MEIS1: variants seen among roughly 807,000 people sequenced by gnomAD.
MEIS1 encodes the protein homeobox protein Meis1.
Under a neutral mutation model 50.8 loss-of-function variants are expected in MEIS1, and 5 were observed. That is an observed-to-expected ratio of 0.10 (90% CI 0.05 to 0.21). MEIS1 has a LOEUF of 0.21. Ranked by LOEUF, MEIS1 falls within the 10% of genes least tolerant of loss-of-function variation. MEIS1 has a pLI of 1.00. For missense variants in MEIS1, 318 were observed against 517.3 expected (o/e 0.61, Z 3.74); for synonymous variants, 176 against 179.3 (o/e 0.98, Z 0.15).
At chr2:66,484,360 A>G (rs1673086449) in intron 7 of MEIS1, among the ~76,000 whole-genome samples, 1 of 152,152 alleles carries the variant, frequency 6.6e-6, no homozygotes, top group Non-Finnish European at 1.5e-5. Context: ...GAGAGCACAG[A>G]GAGCCCATTT....
chr2:66,454,800 C>G (rs980097939), intron 6 of MEIS1: 1 of 152,038 alleles, frequency 6.6e-6, no homozygotes, highest in Non-Finnish European at 1.5e-5. Flanking sequence ...ATCAGGTATA[C>G]TGGCATGTAA....
At chr2:66,495,694 G>A (rs986860430) in intron 7 of MEIS1, among the ~76,000 whole-genome samples, 1 of 152,198 alleles carries the variant, frequency 6.6e-6, no homozygotes, top group Non-Finnish European at 1.5e-5. Flanking sequence ...AGGCTTTGAA[G>A]ATGTGCTAGA....
intron 12 of MEIS1, chr2:66,569,614 G>A (rs1572912595): frequency 6.5e-6 from 1 of 152,708 alleles, no homozygotes; most frequent in South Asian, 2.1e-4. Context: ...CTTTACTTAG[G>A]GTAAGTAAAG....
intron 6 of MEIS1, among the ~76,000 whole-genome samples, chr2:66,462,832 C>CA (rs1430441109): frequency 1.3e-5 from 2 of 152,154 alleles, no homozygotes; most frequent in African/African-American, 4.8e-5. Flanking sequence ...GTCAAACATA[C>CA]AAATGGCATA....
intron 10 of MEIS1, chr2:66,568,263 A>G (rs1675398220): frequency 1.2e-5 from 2 of 172,266 alleles, no homozygotes; most frequent in Admixed American, 5.6e-5. Flanking sequence ...AGATAACAAG[A>G]GTATTTGCTA....
chr2:66,455,406 A>G (rs1672365271), intron 6 of MEIS1, among the ~76,000 whole-genome samples: 2 of 152,204 alleles, frequency 1.3e-5, no homozygotes, highest in South Asian at 4.1e-4. Context: ...TGTCAAAGTT[A>G]AAGAATTGGG....
rs139817451 is a variant in MEIS1 at position 66,565,281 on chromosome 2, ACT to A, written c.966-2157_966-2156del. On this transcript the variant is annotated intron_variant, in intron 9 of 12. Coordinates refer to ENST00000272369, the MANE Select transcript of MEIS1 (RefSeq NM_002398.3). Reference sequence around the variant, plus strand: ...ACAGATAAATCAAGTCACTGTATTCACTCTCTCTCTCTCTCTTTGAATAGCCT... The same window carrying A: ...ACAGATAAATCAAGTCACTGTATTCACTCTCTCTCTCTCTTTGAATAGCCT... Among the ~76,000 whole-genome samples the A allele has an allele frequency of 2.8e-3, 420 of 150,794 alleles. 3 individuals are homozygous for A. The highest frequency in any genetic ancestry group is 0.013 in the South Asian group (63 of 4,748).
rs1673909110 is a variant in MEIS1, at chr2:66,514,316, A to G, written c.888+2022A>G. Among the ~76,000 whole-genome samples the G allele has an allele frequency of 2.6e-5, 4 of 152,296 alleles. No individual in the cohort carries two copies. The South Asian group carries it at 8.3e-4, about 32-fold the overall frequency. On this transcript the variant is annotated intron_variant, in intron 8 of 12. Coordinates refer to ENST00000272369, the MANE Select transcript of MEIS1 (RefSeq NM_002398.3). ...TACCCTTGTGAAGACCCTTGCATAG[A>G]GCTACATTATCTTCTTGAAACAAAC...
At chr2:66,567,654 C>T in intron 10 of MEIS1, 143 bp downstream of exon 10, 2 of 743,934 alleles carry the variant, frequency 2.7e-6, no homozygotes, top group Non-Finnish European at 4.8e-6. Context: ...AGTTTCGTTT[C>T]ATAACAACAC....
At chr2:66,514,468 A>C (rs1486692923) in intron 8 of MEIS1, among the ~76,000 whole-genome samples, 4 of 152,134 alleles carry the variant, frequency 2.6e-5, no homozygotes, top group African/African-American at 7.2e-5. Flanking sequence ...GAACTGCCTG[A>C]TTTCTTGAGA....
chr2:66,505,153 G>A (rs149127489), intron 7 of MEIS1, among the ~76,000 whole-genome samples: 1 of 152,290 alleles, frequency 6.6e-6, no homozygotes, highest in Non-Finnish European at 1.5e-5. Flanking sequence ...CAGGGCCTAA[G>A]ACAGATAATC....
rs144627103 is a variant in MEIS1 at position 66,514,446 on chromosome 2, G to A, written c.888+2152G>A. Among the ~76,000 whole-genome samples the A allele has an allele frequency of 2.9e-3, 435 of 152,240 alleles. 5 individuals are homozygous for A. The East Asian group carries it at 0.034, about 12-fold the overall frequency. ...GTTTGTTACTGGGGCAATTGTAATC[G>A]AAATTATTCATGAACTGCCTGATTT... On this transcript the variant is annotated intron_variant, in intron 8 of 12. Transcript: ENST00000272369.
At chr2:66,483,269 C>T (rs112168646) in intron 7 of MEIS1, among the ~76,000 whole-genome samples, 7,114 of 142,346 alleles carry the variant, frequency 0.05, 583 homozygotes, top group African/African-American at 0.17. Context: ...AACGGGGTCT[C>T]GCTATATTGC....
intron 7 of MEIS1, among the ~76,000 whole-genome samples, chr2:66,500,655 C>T (rs1460774516): frequency 6.6e-6 from 1 of 152,052 alleles, no homozygotes; most frequent in African/African-American, 2.4e-5. Context: ...GAACTCCTGA[C>T]CTCAAGTGAT....
At chr2:66,446,267 C>G (rs1672142963) in intron 6 of MEIS1, among the ~76,000 whole-genome samples, 1 of 152,196 alleles carries the variant, frequency 6.6e-6, no homozygotes, top group Non-Finnish European at 1.5e-5. Flanking sequence ...CGAGGAGAGG[C>G]CTGGCCACCC....
intron 6 of MEIS1, among the ~76,000 whole-genome samples, chr2:66,456,523 G>A (rs531678038): frequency 4.9e-4 from 75 of 152,308 alleles, no homozygotes; most frequent in Non-Finnish European, 4.9e-4. Flanking sequence ...TCTGAAGAGG[G>A]ATGCTGGATT....
chr2:66,521,217 G>C (rs1321496033), intron 8 of MEIS1, among the ~76,000 whole-genome samples: 1 of 152,194 alleles, frequency 6.6e-6, no homozygotes, highest in African/African-American at 2.4e-5. Context: ...TTATTTAACT[G>C]CTCCTCCTTC....
intron 6 of MEIS1, among the ~76,000 whole-genome samples, chr2:66,459,348 C>T (rs1040540835): frequency 6.6e-6 from 1 of 152,076 alleles, no homozygotes; most frequent in African/African-American, 2.4e-5. Context: ...GGAATGGTCC[C>T]TTGGGGAGAT....
In MEIS1 at chr2:66,468,364, T is replaced by C. The variant is rs149397138; in HGVS notation, c.742+4144T>C. Among the ~76,000 whole-genome samples, 360 of 152,350 alleles carry C rather than the reference T, an allele frequency of 2.4e-3. 4 individuals carry two copies. Among genetic ancestry groups the C allele is most frequent in the African/African-American group, 8.1e-3 (337 of 41,582 alleles). On this transcript the variant is annotated intron_variant, in intron 7 of 12. Coordinates refer to ENST00000272369, the MANE Select transcript of MEIS1 (RefSeq NM_002398.3). ...AGCCACTCTATGCCTCTTAAGCAGC[T>C]TCAGCTACGATTGACCACATTTTTG... is the stretch of plus-strand genomic sequence containing the variant.
Sources: gnomAD v4.1 joint callset for allele counts (sites outside exome capture counted in the v4.1 genomes callset) on GRCh38, gnomAD v4.1.1 for gene constraint, MANE v1.5 for transcripts, NCBI Gene and HGNC (gene_info 2026-07-23, HGNC 2026-07-21) for gene names.